Variants in DOCK10 observed in about 807,000 individuals in gnomAD.
DOCK10 encodes the protein dedicator of cytokinesis protein 10.
In DOCK10, 145 loss-of-function variants were observed where a neutral mutation model predicts 280.1. The observed-to-expected ratio is 0.52, with a 90% CI of 0.45 to 0.59. The LOEUF (loss-of-function observed/expected upper bound fraction) is 0.59. Among genes scored for constraint, DOCK10 ranks in the 20% least tolerant of loss-of-function variants. DOCK10 has a pLI of 0.00. For missense variants in DOCK10, 2,368 were observed against 2,651.7 expected (o/e 0.89, Z 2.35); for synonymous variants, 915 against 942.2 (o/e 0.97, Z 0.53).
chr2:225,029,906 G>A (rs1356537822), intron 1 of DOCK10, among the ~76,000 whole-genome samples: 4 of 152,080 alleles, frequency 2.6e-5, no homozygotes, highest in Non-Finnish European at 4.4e-5. Flanking sequence ...CACTTTGGGA[G>A]GCTGAGGCGG....
At chr2:224,867,913 A>T (rs558103682) in intron 11 of DOCK10, among the ~76,000 whole-genome samples, 1 of 152,310 alleles carries the variant, frequency 6.6e-6, no homozygotes, top group South Asian at 2.1e-4. Flanking sequence ...TGGCTGATAT[A>T]GGGGATAAAG....
intron 1 of DOCK10, among the ~76,000 whole-genome samples, chr2:224,989,065 G>A (rs578087690): frequency 1.3e-5 from 2 of 152,296 alleles, no homozygotes; most frequent in South Asian, 2.1e-4. Flanking sequence ...GGTTGCCCAC[G>A]CTGGAAGAGC....
chr2:224,922,364 G>A (rs776999678), intron 2 of DOCK10, among the ~76,000 whole-genome samples: 1 of 152,158 alleles, frequency 6.6e-6, no homozygotes, highest in Non-Finnish European at 1.5e-5. Context: ...GACCACAAGA[G>A]ATTTCCTGTT....
At chr2:224,816,961 C>T (rs1694170830) in intron 29 of DOCK10, among the ~76,000 whole-genome samples, 1 of 152,150 alleles carries the variant, frequency 6.6e-6, no homozygotes, top group Non-Finnish European at 1.5e-5. Context: ...CATGTAGCTT[C>T]TATGAGATAA....
At chr2:224,781,670 T>A (rs1343168245) in intron 50 of DOCK10, among the ~76,000 whole-genome samples, 1 of 152,210 alleles carries the variant, frequency 6.6e-6, no homozygotes, top group Admixed American at 6.5e-5. Flanking sequence ...TCTCTGCACT[T>A]CCCTTGCTAG....
In DOCK10 at chr2:224,868,181, A is replaced by T. The variant is rs1440922444; in HGVS notation, c.1258-3094T>A. On this transcript the variant is annotated intron_variant, in intron 11 of 55. Transcript: ENST00000258390. ...TAAAATGGATTGGGAAGTAGGGAAA[A>T]ATTTTACAAAACAAATGAAAAAATT... Among the ~76,000 whole-genome samples the T allele has an allele frequency of 2.6e-5, 4 of 152,222 alleles. No homozygotes were observed. In the East Asian group the frequency reaches 5.8e-4, roughly 22 times the overall value.
intron 3 of DOCK10, among the ~76,000 whole-genome samples, chr2:224,898,116 C>T (rs1179680965): frequency 6.6e-6 from 1 of 152,180 alleles, no homozygotes; most frequent in Non-Finnish European, 1.5e-5. Flanking sequence ...TTAGCACTGC[C>T]TTTGCAGAAA....
rs1009440726 is a variant in DOCK10 at position 224,765,632 on chromosome 2, C to G, written c.*89G>C. ...AAAAATATTAACACCATGAAAACTT[C>G]AAATAAATTAAACCTATCTTTCTCT... On this transcript the variant is annotated 3_prime_UTR_variant, in exon 56 of 56. Transcript: ENST00000258390. The G allele has an allele frequency of 8.9e-5, 83 of 932,226 alleles. No homozygotes were observed. Among genetic ancestry groups the G allele is most frequent in the Non-Finnish European group, 1.2e-4 (76 of 629,004 alleles). 57.7% of individuals were successfully genotyped at this position (932,226 alleles called of 1,614,324 possible). A position where few individuals can be genotyped will look rare whatever the true frequency, so the allele number is the denominator to read the frequency against.
At chr2:224,818,972 C>A (rs1331965650) in intron 29 of DOCK10, among the ~76,000 whole-genome samples, 1 of 152,170 alleles carries the variant, frequency 6.6e-6, no homozygotes, top group Non-Finnish European at 1.5e-5. Context: ...TTCTGGGCTC[C>A]ATTAGCAGCA....
In DOCK10 at chr2:224,797,828, T is replaced by C. The variant is rs751055298; in HGVS notation, c.4644+4A>G. 1 of 1,612,564 alleles carries C rather than the reference T, an allele frequency of 6.2e-7. No individual in the cohort carries two copies. The highest frequency in any genetic ancestry group is 1.7e-5 in the Admixed American group (1 of 59,694). ...AAACTTCATTGAAACCTGGAGATCC[T>C]TACCTTGCATACAAACAGTCTCAAG... On this transcript the variant is annotated splice_donor_region_variant and intron_variant, in intron 42 of 55. Transcript: ENST00000258390.
chr2:225,016,475 T>C (rs997553710), intron 1 of DOCK10, among the ~76,000 whole-genome samples: 6 of 150,682 alleles, frequency 4.0e-5, no homozygotes, highest in Non-Finnish European at 8.9e-5. Flanking sequence ...CTTTCTCAAA[T>C]AGCAATTCCT....
At chr2:224,789,832 G>C (rs1692026302) in intron 47 of DOCK10, among the ~76,000 whole-genome samples, 1 of 151,898 alleles carries the variant, frequency 6.6e-6, no homozygotes, top group Non-Finnish European at 1.5e-5. Flanking sequence ...CCAGGCTGGA[G>C]TGCAATGGTG....
At chr2:224,779,331 T>C (rs1377684834) in intron 50 of DOCK10, among the ~76,000 whole-genome samples, 1 of 152,068 alleles carries the variant, frequency 6.6e-6, no homozygotes, top group Non-Finnish European at 1.5e-5. Flanking sequence ...TTCTCCTACT[T>C]TGGCCTCCCA....
At chr2:224,978,351 T>C (rs1281890892) in intron 1 of DOCK10, among the ~76,000 whole-genome samples, 4 of 152,140 alleles carry the variant, frequency 2.6e-5, no homozygotes, top group Non-Finnish European at 5.9e-5. Flanking sequence ...AAGAATCGCT[T>C]GAACCCTGGA....
chr2:224,885,975 T>C (rs1699253812), intron 6 of DOCK10, 88 bp downstream of exon 6: 1 of 1,560,884 alleles, frequency 6.4e-7, no homozygotes. Flanking sequence ...ATAAACTCAA[T>C]GCAAATGGCT....
At position 224,800,318 on chromosome 2, in the gene DOCK10, T is replaced by C. The variant is rs1692897579; in HGVS notation, c.4394-55A>G. The C allele has an allele frequency of 7.8e-6, 8 of 1,030,390 alleles. No individual in the cohort carries two copies. The South Asian group carries it at 1.1e-4, about 14-fold the overall frequency. The allele number at this position is 1,030,390 out of a possible 1,614,324, so 63.8% of individuals were successfully genotyped here. A position where few individuals can be genotyped will look rare whatever the true frequency, so the allele number is the denominator to read the frequency against. ...AAGTCTAAGACAATGCTTTGTACCC[T>C]ATAAAGGATTTCCTTTCATTACAAT... On this transcript the variant is annotated intron_variant, in intron 40 of 55. Coordinates refer to ENST00000258390, the MANE Select transcript of DOCK10 (RefSeq NM_014689.3).
chr2:224,874,282 A>C lies in DOCK10; in HGVS notation c.1085T>G (p.Leu362Arg), dbSNP rs774116586. 2 of 1,613,420 alleles carry C rather than the reference A, an allele frequency of 1.2e-6. No individual in the cohort carries two copies. The highest frequency in any genetic ancestry group is 2.2e-5 in the South Asian group (2 of 90,940). ...RNMERLNLFSLDPDIDTLKLQ... is the reference protein window; with the variant it reads ...RNMERLNLFSRDPDIDTLKLQ... ...TTGACTTACATCTATGTCTGGATCTAGAGAGAACAGATTTAGCCTCTCCAT... is the reference window on the plus strand; with the variant it reads ...TTGACTTACATCTATGTCTGGATCTCGAGAGAACAGATTTAGCCTCTCCAT... The change falls in exon 10 of 56, where the codon CTA becomes CGA. Residue 362 changes from leucine (L) to arginine (R), a missense_variant. By Grantham distance (102) the Leu-to-Arg change is moderately radical. Transcript: ENST00000258390.
chr2:224,951,794 C>T (rs1703745817), intron 1 of DOCK10, among the ~76,000 whole-genome samples: 1 of 152,146 alleles, frequency 6.6e-6, no homozygotes, highest in African/African-American at 2.4e-5. Context: ...GAGAAGCTGT[C>T]TTCAGGCACA....
intron 52 of DOCK10, among the ~76,000 whole-genome samples, chr2:224,773,743 T>G (rs529087589): frequency 1.3e-5 from 2 of 152,176 alleles, no homozygotes; most frequent in South Asian, 4.2e-4. Flanking sequence ...GTGATTCTCC[T>G]GCCTCAGCCT....
Sources: allele counts gnomAD v4.1 joint callset (sites outside exome capture counted in the v4.1 genomes callset), GRCh38; gene constraint gnomAD v4.1.1; transcripts MANE v1.5; gene names NCBI Gene and HGNC (gene_info 2026-07-23, HGNC 2026-07-21).